The following VIRMA variants were observed in gnomAD, a reference collection of about 807,000 sequenced individuals.
VIRMA encodes vir like m6A methyltransferase associated.
In VIRMA, 65 loss-of-function variants were observed where a neutral mutation model predicts 182.4. The ratio of observed to expected loss-of-function variants is 0.36; its 90% confidence interval spans 0.29 to 0.44. The LOEUF is 0.44. Among genes scored for constraint, VIRMA ranks in the 20% least tolerant of loss-of-function variants. The pLI, the probability that VIRMA is intolerant of heterozygous loss-of-function variation, is 1.00. For missense variants in VIRMA, 1,752 were observed against 2,158.1 expected, an observed-to-expected ratio of 0.81 and a Z score of 3.73; for synonymous variants, 709 against 743.1, an observed-to-expected ratio of 0.95 and a Z score of 0.75.
At chr8:94,552,563 G>C (rs1259798467) in intron 1 of VIRMA, among the ~76,000 whole-genome samples, 2 of 151,620 alleles carry the variant, frequency 1.3e-5, no homozygotes, top group Non-Finnish European at 2.9e-5. Flanking sequence ...AAAATGTGAA[G>C]TTCGTTTTTT....
At chr8:94,546,746 A>C in intron 1 of VIRMA, 1 of 347,848 alleles carries the variant, frequency 2.9e-6, no homozygotes, top group African/African-American at 2.3e-5. Flanking sequence ...CCTAAAGTCC[A>C]TTGTATCATT....
intron 12 of VIRMA, 91 bp downstream of exon 12, chr8:94,511,905 A>C: frequency 1.4e-6 from 1 of 716,278 alleles, no homozygotes; most frequent in Non-Finnish European, 2.0e-6. Context: ...TTATTAAATA[A>C]ATGATGTTTA....
intron 16 of VIRMA, among the ~76,000 whole-genome samples, chr8:94,500,794 T>C (rs907479491): frequency 6.6e-6 from 1 of 151,804 alleles, no homozygotes; most frequent in Non-Finnish European, 1.5e-5. Flanking sequence ...CACAAAAACC[T>C]GTGTGCAAAG....
chr8:94,525,956 T>G (rs1814945059), intron 8 of VIRMA, among the ~76,000 whole-genome samples: 1 of 152,274 alleles, frequency 6.6e-6, no homozygotes, highest in Non-Finnish European at 1.5e-5. Flanking sequence ...CATTTATTCT[T>G]GCTCATAGAC....
At chr8:94,520,177 C>A (rs1213120605) in intron 8 of VIRMA, among the ~76,000 whole-genome samples, 1 of 135,422 alleles carries the variant, frequency 7.4e-6, no homozygotes, top group Non-Finnish European at 1.5e-5. Flanking sequence ...CTGAGTGAGA[C>A]CCTGCATCAA....
chr8:94,504,594 T>C (rs1041845945), intron 16 of VIRMA, among the ~76,000 whole-genome samples: 1 of 152,176 alleles, frequency 6.6e-6, no homozygotes, highest in African/African-American at 2.4e-5. Flanking sequence ...AAAGATTACT[T>C]TGGCTTCTGA....
At chr8:94,491,996 G>GT in intron 21 of VIRMA, 87 bp from the exon 22 acceptor site, 3 of 1,032,314 alleles carry the variant, frequency 2.9e-6, no homozygotes, top group Non-Finnish European at 2.7e-6. Context: ...TTATATTTCA[G>GT]TTTTTTTGTA....
At chr8:94,530,891 A>G in intron 6 of VIRMA, 72 bp downstream of exon 6, 2 of 1,523,256 alleles carry the variant, frequency 1.3e-6, no homozygotes, top group Non-Finnish European at 1.8e-6. Flanking sequence ...ACAGAGTGAG[A>G]CCATCTCAAA....
chr8:94,531,615 G>A (rs1415718831), intron 5 of VIRMA, among the ~76,000 whole-genome samples: 1 of 152,116 alleles, frequency 6.6e-6, no homozygotes, highest in East Asian at 1.9e-4. Flanking sequence ...CAGAAATTTT[G>A]CTAATTAATC....
chr8:94,508,240 C>T (rs1203089337), intron 15 of VIRMA, among the ~76,000 whole-genome samples: 1 of 151,976 alleles, frequency 6.6e-6, no homozygotes, highest in Non-Finnish European at 1.5e-5. Context: ...CAGATGCATG[C>T]CACCACGCCC....
chr8:94,541,583 C>T (rs780198033), intron 2 of VIRMA, among the ~76,000 whole-genome samples: 2 of 151,936 alleles, frequency 1.3e-5, no homozygotes, highest in South Asian at 2.1e-4. Context: ...GCTCTGTTGC[C>T]CAGGCTGGAG....
intron 16 of VIRMA, among the ~76,000 whole-genome samples, chr8:94,505,202 G>A (rs895648187): frequency 1.7e-4 from 26 of 152,136 alleles, no homozygotes; most frequent in African/African-American, 6.3e-4. Flanking sequence ...GGTACATCAG[G>A]ACAAGGAGAT....
chr8:94,490,339 T>C (rs1318686135), intron 22 of VIRMA, among the ~76,000 whole-genome samples: 1 of 152,162 alleles, frequency 6.6e-6, no homozygotes, highest in Non-Finnish European at 1.5e-5. Flanking sequence ...CTTCTGCAAA[T>C]TGGGAGTACT....
intron 7 of VIRMA, among the ~76,000 whole-genome samples, chr8:94,527,832 T>C (rs563094237): frequency 6.6e-6 from 1 of 152,310 alleles, no homozygotes; most frequent in East Asian, 1.9e-4. Flanking sequence ...GCAAAACCAT[T>C]GTAGATTCGT....
At chr8:94,509,615 G>C in intron 15 of VIRMA, 73 bp downstream of exon 15, 3 of 1,438,152 alleles carry the variant, frequency 2.1e-6, no homozygotes, top group South Asian at 1.5e-5. Flanking sequence ...TTTACATCAA[G>C]ATGCTTAAAT....
chr8:94,494,290 T>TA (rs1050202952), intron 20 of VIRMA, among the ~76,000 whole-genome samples: 2 of 151,346 alleles, frequency 1.3e-5, no homozygotes, highest in East Asian at 1.9e-4. Flanking sequence ...TTATCTATAT[T>TA]AAAAAAAAAT....
rs564654373 is a variant in VIRMA, at chr8:94,545,095, C to A, written c.64-1153G>T. Among the ~76,000 whole-genome samples the A allele has an allele frequency of 4.6e-5, 7 of 152,106 alleles. No individual in the cohort carries two copies. The South Asian group carries it at 1.5e-3, about 32-fold the overall frequency. On this transcript the variant is annotated intron_variant, in intron 1 of 23. Coordinates refer to ENST00000297591, the MANE Select transcript of VIRMA (RefSeq NM_015496.5). Reference sequence around the variant, plus strand: ...AAGTTATGATATGATCGCCTCACTGCACTCCAGCCTGGGTGACAAAGTAAG... The same window carrying A: ...AAGTTATGATATGATCGCCTCACTGAACTCCAGCCTGGGTGACAAAGTAAG...
chr8:94,495,218 AG>A (rs1237597616), intron 19 of VIRMA, among the ~76,000 whole-genome samples: 1 of 152,100 alleles, frequency 6.6e-6, no homozygotes, highest in Non-Finnish European at 1.5e-5. Context: ...TGCCCAGGCT[AG>A]TCTCAAACTC....
At chr8:94,521,434 A>G (rs1328209518) in intron 8 of VIRMA, among the ~76,000 whole-genome samples, 1 of 152,200 alleles carries the variant, frequency 6.6e-6, no homozygotes, top group Non-Finnish European at 1.5e-5. Context: ...TTAAAGAAAA[A>G]AGAACCAAAA....
Sources: allele counts gnomAD v4.1 joint callset (sites outside exome capture counted in the v4.1 genomes callset), GRCh38; gene constraint gnomAD v4.1.1; transcripts MANE v1.5; gene names NCBI Gene and HGNC (gene_info 2026-07-23, HGNC 2026-07-21).